UCK2: variants seen among roughly 807,000 people sequenced by gnomAD.
UCK2 encodes uridine-cytidine kinase 2.
A neutral mutation model predicts 30.8 loss-of-function variants in UCK2; 6 were observed. That is an observed-to-expected ratio of 0.19 (90% CI 0.11 to 0.38). The LOEUF (loss-of-function observed/expected upper bound fraction) is 0.38. Ranked by LOEUF, UCK2 falls within the 10% of genes least tolerant of loss-of-function variation. UCK2 has a pLI of 1.00. For missense variants in UCK2, 210 were observed against 339.8 expected, an observed-to-expected ratio of 0.62 and a Z score of 3.00; for synonymous variants, 125 against 133.6, an observed-to-expected ratio of 0.94 and a Z score of 0.45.
chr1:165,906,031 G>A, intron 6 of UCK2, 62 bp downstream of exon 6: 1 of 1,539,056 alleles, frequency 6.5e-7, no homozygotes, highest in African/African-American at 1.4e-5. Flanking sequence ...TCATAATTTG[G>A]GGCAGGATGT....
At position 165,908,095 on chromosome 1, in the gene UCK2, A is replaced by G. The variant is rs1647734024; in HGVS notation, c.*272A>G. 3.5e-6 allele frequency: 1 copy of G among 288,732 alleles called. No individual in the cohort carries two copies. The allele number at this position is 288,732 out of a possible 1,614,324, so 17.9% of individuals were successfully genotyped here. ...CGTGTAACCAGTTATAAATACATATATATATAAAAAAGGATCTATTTTTGT... is the reference window on the plus strand; with the variant it reads ...CGTGTAACCAGTTATAAATACATATGTATATAAAAAAGGATCTATTTTTGT... On this transcript the variant is annotated 3_prime_UTR_variant, in exon 7 of 7. Transcript: ENST00000367879.
intron 1 of UCK2, among the ~76,000 whole-genome samples, chr1:165,889,557 G>A (rs1318085158): frequency 2.6e-5 from 4 of 152,070 alleles, no homozygotes; most frequent in Non-Finnish European, 4.4e-5. Flanking sequence ...GGTGTGTGCT[G>A]CCCTCCTTCC....
chr1:165,861,366 C>T (rs915070534), intron 1 of UCK2, among the ~76,000 whole-genome samples: 2 of 152,054 alleles, frequency 1.3e-5, no homozygotes, highest in African/African-American at 2.4e-5. Context: ...CGGTGGCTCA[C>T]GCCTGTAATC....
rs749003719 is a variant in UCK2 at position 165,896,345 on chromosome 1, A to G, written c.499+13A>G. On this transcript the variant is annotated intron_variant, in intron 4 of 6. Coordinates refer to ENST00000367879, the MANE Select transcript of UCK2 (RefSeq NM_012474.5). The stretch of plus-strand genomic sequence containing the variant: ...CTCTCACGCAGAGGTGCGTTCTAAA[A>G]GCCTCAGGTGGCCCTGTTGGTGGCC... The G allele has an allele frequency of 7.4e-6, 12 of 1,613,494 alleles. No homozygotes were observed. Among genetic ancestry groups the G allele is most frequent in the Admixed American group, 1.7e-5 (1 of 60,002 alleles).
Sources: allele counts gnomAD v4.1 joint callset (sites outside exome capture counted in the v4.1 genomes callset), GRCh38; gene constraint gnomAD v4.1.1; transcripts MANE v1.5; gene names NCBI Gene and HGNC (gene_info 2026-07-23, HGNC 2026-07-21).